ASXL2: variants seen among roughly 807,000 people sequenced by gnomAD.
The protein encoded by ASXL2 is ASXL transcriptional regulator 2, also known as putative Polycomb group protein ASXL2.
Under a neutral mutation model 122.0 loss-of-function variants are expected in ASXL2, and 23 were observed. The ratio of observed to expected loss-of-function variants is 0.19; its 90% CI spans 0.14 to 0.27. The LOEUF (loss-of-function observed/expected upper bound fraction) is 0.27. Ranked by LOEUF, ASXL2 falls within the 10% of genes least tolerant of loss-of-function variation. The pLI is 1.00. For missense variants in ASXL2, 1,518 were observed against 1,713.8 expected (o/e 0.89, Z 2.02); for synonymous variants, 650 against 637.0 (o/e 1.02, Z -0.31).
intron 1 of ASXL2, among the ~76,000 whole-genome samples, chr2:25,846,330 T>C (rs1234362707): frequency 6.6e-6 from 1 of 152,114 alleles, no homozygotes. Flanking sequence ...CAAGGGGTCC[T>C]ACAAGCATGG....
At chr2:25,873,747 A>G in intron 1 of ASXL2, among the ~76,000 whole-genome samples, 1 of 151,522 alleles carries the variant, frequency 6.6e-6, no homozygotes, top group South Asian at 2.1e-4. Context: ...CTTGTTTCTC[A>G]TATTTTTTTT....
chr2:25,780,990 A>G (rs1455931609), intron 5 of ASXL2, among the ~76,000 whole-genome samples: 1 of 151,174 alleles, frequency 6.6e-6, no homozygotes, highest in Non-Finnish European at 1.5e-5. Context: ...AAGCTGAGGC[A>G]GGAGAATGGT....
intron 5 of ASXL2, among the ~76,000 whole-genome samples, chr2:25,773,145 T>C (rs190945059): frequency 1.7e-4 from 26 of 150,944 alleles, no homozygotes; most frequent in African/African-American, 5.6e-4. Flanking sequence ...GAGGCGGAGG[T>C]TGCAGTGAGC....
Position 25,799,389 on chromosome 2 carries a change from C to T in ASXL2, c.399G>A (p.Arg133=). 6.2e-7 allele frequency: 1 copy of T among 1,613,970 alleles called. No individual in the cohort carries two copies. Among genetic ancestry groups the T allele is most frequent in the East Asian group, 2.2e-5 (1 of 44,882 alleles). ...NKEGKKSRWK[R]KVSSSSPQSG... is the part of the protein sequence containing the mutation. ...TGAAGGATCAGGTGGATTTACCTTT[C>T]CTTTTCCACCTGCTCTTTTTTCCCT... The change falls in exon 5 of 13, where the codon AGG becomes AGA. Residue 133 remains arginine, a synonymous_variant. Coordinates refer to ENST00000435504, the MANE Select transcript of ASXL2 (RefSeq NM_018263.6).
At chr2:25,810,062 G>C in intron 3 of ASXL2, 2 of 553,516 alleles carry the variant, frequency 3.6e-6, no homozygotes, top group Non-Finnish European at 7.1e-6. Context: ...AGCAAACTCA[G>C]CACAGGTCTC....
intron 4 of ASXL2, among the ~76,000 whole-genome samples, chr2:25,801,127 C>T (rs1559515064): frequency 1.3e-5 from 2 of 152,246 alleles, no homozygotes; most frequent in South Asian, 4.1e-4. Flanking sequence ...TGGGGTCCTA[C>T]TATGTTGCCC....
intron 3 of ASXL2, among the ~76,000 whole-genome samples, chr2:25,823,706 T>TAATA (rs901885838): frequency 4.6e-5 from 7 of 151,240 alleles, no homozygotes; most frequent in Admixed American, 1.3e-4. Flanking sequence ...GAAAAACGTT[T>TAATA]AATACAGTAT....
chr2:25,799,657 G>A, intron 4 of ASXL2, 122 bp from the exon 5 acceptor site: 1 of 1,123,994 alleles, frequency 8.9e-7, no homozygotes, highest in Non-Finnish European at 1.2e-6. Flanking sequence ...GGATTCAGTA[G>A]CAGAACCAGC....
chr2:25,862,611 GT>G (rs2089852877), intron 1 of ASXL2, among the ~76,000 whole-genome samples: 2 of 152,150 alleles, frequency 1.3e-5, no homozygotes, highest in Non-Finnish European at 2.9e-5. Context: ...TTGTTTGTTT[GT>G]TTTTTGAGAC....
At position 25,830,207 on chromosome 2, in the gene ASXL2, G is replaced by A. The variant is rs145108291; in HGVS notation, c.143+5331C>T. ...ACCTAAGTAAGCACAGTGAATGCCA[G>A]CTTAAATAAGACTGGACATCCCCTA... is the stretch of plus-strand genomic sequence containing the variant. On this transcript the variant is annotated intron_variant, in intron 3 of 12. Coordinates refer to ENST00000435504, the MANE Select transcript of ASXL2 (RefSeq NM_018263.6). Among the ~76,000 whole-genome samples the A allele has an allele frequency of 2.8e-3, 425 of 152,338 alleles. 3 individuals carry two copies. Among genetic ancestry groups the A allele is most frequent in the Non-Finnish European group, 3.3e-3 (223 of 68,034 alleles).
At chr2:25,783,918 G>T (rs2088691758) in intron 5 of ASXL2, among the ~76,000 whole-genome samples, 1 of 152,116 alleles carries the variant, frequency 6.6e-6, no homozygotes, top group Non-Finnish European at 1.5e-5. Context: ...GTCGGGCGTG[G>T]TGGCACATGC....
At chr2:25,822,824 T>G in intron 3 of ASXL2, 1 of 557,330 alleles carries the variant, frequency 1.8e-6, no homozygotes, top group Non-Finnish European at 3.6e-6. Context: ...ACAGGTCTAA[T>G]TTTGATCGTT....
intron 1 of ASXL2, among the ~76,000 whole-genome samples, chr2:25,850,098 C>A (rs936840944): frequency 6.6e-6 from 1 of 152,052 alleles, no homozygotes; most frequent in East Asian, 1.9e-4. Context: ...AGACACCCTC[C>A]GTCCACAAAC....
At chr2:25,855,182 T>C (rs769980588) in intron 1 of ASXL2, among the ~76,000 whole-genome samples, 2 of 152,050 alleles carry the variant, frequency 1.3e-5, no homozygotes, top group Non-Finnish European at 2.9e-5. Context: ...TCTTCAAGAG[T>C]TGAATCAGAC....
chr2:25,845,464 ATATT>A lies in ASXL2; in HGVS notation c.140+13_140+16del, dbSNP rs544153745. 5.2e-4 allele frequency: 735 copies of A among 1,407,768 alleles called. 3 individuals are homozygous for A. In the African/African-American group the frequency reaches 9.9e-3, roughly 19 times the overall value. 87.2% of individuals were successfully genotyped at this position (1,407,768 alleles called of 1,614,324 possible). ...TCAAGTATTATAATTATTACTAAAA[ATATT>A]TAAATAACTCACCTGATTTCTTTTA... On this transcript the variant is annotated intron_variant, in intron 2 of 12. Transcript: ENST00000435504.
chr2:25,755,094 C>G (rs1343782817), intron 10 of ASXL2, among the ~76,000 whole-genome samples: 1 of 152,152 alleles, frequency 6.6e-6, no homozygotes, highest in East Asian at 1.9e-4. Flanking sequence ...TTGTTTTAGG[C>G]TATTCTTTGG....
chr2:25,868,779 G>C (rs1325174711), intron 1 of ASXL2, among the ~76,000 whole-genome samples: 1 of 152,058 alleles, frequency 6.6e-6, no homozygotes, highest in Non-Finnish European at 1.5e-5. Flanking sequence ...CTGTAATCCC[G>C]GCATTTTAGG....
At chr2:25,780,735 G>A (rs1297695752) in intron 5 of ASXL2, among the ~76,000 whole-genome samples, 1 of 152,068 alleles carries the variant, frequency 6.6e-6, no homozygotes, top group Admixed American at 6.6e-5. Context: ...AGATAAACAT[G>A]TACACTTCAA....
chr2:25,846,634 C>T (rs376658120), intron 1 of ASXL2, among the ~76,000 whole-genome samples: 10 of 150,080 alleles, frequency 6.7e-5, no homozygotes, highest in Admixed American at 4.7e-4. Context: ...GGCAACAGAG[C>T]GAGACTCCAT....
Sources: allele counts gnomAD v4.1 joint callset (sites outside exome capture counted in the v4.1 genomes callset), GRCh38; gene constraint gnomAD v4.1.1; transcripts MANE v1.5; gene names NCBI Gene and HGNC (gene_info 2026-07-23, HGNC 2026-07-21).